Variants in IFT20 observed in about 807,000 individuals in gnomAD.
IFT20 encodes intraflagellar transport protein 20 homolog.
IFT20 carries 4 observed loss-of-function variants against 16.9 expected under a neutral mutation model. The ratio of observed to expected loss-of-function variants is 0.24; its 90% confidence interval spans 0.12 to 0.54. The LOEUF is 0.54. Among genes scored for constraint, IFT20 ranks in the 20% least tolerant of loss-of-function variants. The pLI is 0.95. For synonymous variants in IFT20, 48 were observed against 49.9 expected, an observed-to-expected ratio of 0.96 and a Z score of 0.16; for missense variants, 154 against 149.7, an observed-to-expected ratio of 1.03 and a Z score of -0.15.
intron 2 of IFT20, 53 bp downstream of exon 2, chr17:28,331,806 C>G: frequency 6.2e-7 from 1 of 1,609,690 alleles, no homozygotes; most frequent in Non-Finnish European, 8.5e-7. Flanking sequence ...GCCTGGGGTA[C>G]AGTTGAAATG....
rs1555576366 is a variant in IFT20, at chr17:28,330,450, T to G, written c.206A>C (p.Lys69Thr). The change falls in exon 3 of 5, where the codon AAG becomes ACG. Residue 69 changes from lysine (K) to threonine (T), a missense_variant. Transcript: ENST00000395418. ...DQLAKEAENE[K>T]MKAIGARNLL... is the part of the protein sequence containing the mutation. Reference sequence around the variant, plus strand: ...AAGACATGCTGATCTTACCTTCATCTTTTCATTTTCTGCTTCTTTTGCAAG... The same window carrying G: ...AAGACATGCTGATCTTACCTTCATCGTTTCATTTTCTGCTTCTTTTGCAAG... 1 of 1,612,604 alleles carries G rather than the reference T, an allele frequency of 6.2e-7. No homozygotes were observed. The highest frequency in any genetic ancestry group is 8.5e-7 in the Non-Finnish European group (1 of 1,178,574).
chr17:28,331,095 CAG>C (rs1906746212), intron 2 of IFT20, among the ~76,000 whole-genome samples: 1 of 152,214 alleles, frequency 6.6e-6, no homozygotes. Context: ...TTTCAATTAA[CAG>C]TGGGGATGGG....
chr17:28,328,958 C>G, intron 4 of IFT20: 1 of 616,512 alleles, frequency 1.6e-6, no homozygotes, highest in East Asian at 2.8e-5. Context: ...CCCTTTCATG[C>G]TCAAACTACT....
intron 4 of IFT20, 191 bp downstream of exon 4, chr17:28,328,980 GAT>G: frequency 1.6e-6 from 1 of 616,712 alleles, no homozygotes; most frequent in Non-Finnish European, 2.9e-6. Context: ...GAGGTGGTTT[GAT>G]ATTAACAAGT....
chr17:28,334,867 T>C (rs1462698463), intron 1 of IFT20, among the ~76,000 whole-genome samples: 4 of 152,144 alleles, frequency 2.6e-5, no homozygotes, highest in Non-Finnish European at 5.9e-5. Flanking sequence ...ATGACTCCCA[T>C]GAATCTGGCT....
chr17:28,328,782 A>G, intron 4 of IFT20, 49 bp from the exon 5 acceptor site: 1 of 1,075,490 alleles, frequency 9.3e-7, no homozygotes, highest in Non-Finnish European at 1.4e-6. Flanking sequence ...GAAGTAAACC[A>G]CAGACCTAAT....
intron 2 of IFT20, 60 bp downstream of exon 2, chr17:28,331,799 T>C (rs1906800873): frequency 6.2e-7 from 1 of 1,607,362 alleles, no homozygotes; most frequent in African/African-American, 1.3e-5. Context: ...AAGATGAGCC[T>C]GGGGTACAGT....
intron 1 of IFT20, among the ~76,000 whole-genome samples, chr17:28,332,902 A>T (rs1906882810): frequency 6.6e-6 from 1 of 152,186 alleles, no homozygotes; most frequent in Admixed American, 6.5e-5. Context: ...AGCTGGAGCC[A>T]GACCAGGAAG....
At chr17:28,332,585 C>T (rs1441476968) in intron 1 of IFT20, 3 of 158,948 alleles carry the variant, frequency 1.9e-5, no homozygotes, top group Non-Finnish European at 4.1e-5. Flanking sequence ...AATACATATA[C>T]TGGAACAACA....
chr17:28,329,305 T>G, intron 3 of IFT20, 29 bp from the exon 4 acceptor site: 1 of 1,570,824 alleles, frequency 6.4e-7, no homozygotes, highest in Non-Finnish European at 8.7e-7. Context: ...AGGCCATGGC[T>G]TCATTAAAAC....
chr17:28,333,455 CA>C (rs1264612986), intron 1 of IFT20, among the ~76,000 whole-genome samples: 1 of 152,164 alleles, frequency 6.6e-6, no homozygotes, highest in African/African-American at 2.4e-5. Flanking sequence ...GTATGTAATC[CA>C]AAAATTTTAA....
chr17:28,328,884 C>G (rs1906519019), intron 4 of IFT20, 151 bp from the exon 5 acceptor site: 1 of 664,252 alleles, frequency 1.5e-6, no homozygotes, highest in South Asian at 2.0e-5. Flanking sequence ...CTACCCAGAG[C>G]CACCCATGAG....
chr17:28,335,113 T>G (rs1401399443), intron 1 of IFT20, among the ~76,000 whole-genome samples: 1 of 152,166 alleles, frequency 6.6e-6, no homozygotes, highest in Non-Finnish European at 1.5e-5. Context: ...GACTCTTTAC[T>G]ATGTAAACTC....
intron 3 of IFT20, 73 bp downstream of exon 3, chr17:28,330,370 A>G (rs781863277): frequency 9.8e-7 from 1 of 1,016,746 alleles, no homozygotes; most frequent in Non-Finnish European, 1.6e-6. Context: ...ATAAATCAAG[A>G]GGGAAGAGGG....
At chr17:28,332,052 G>A (rs1906824042) in intron 1 of IFT20, 65 bp from the exon 2 acceptor site, 67 of 1,612,432 alleles carry the variant, frequency 4.2e-5, no homozygotes, top group Non-Finnish European at 5.4e-5. Context: ...CTGCTGCCAA[G>A]CCAGCCCCAC....
chr17:28,334,872 C>T (rs1907032882), intron 1 of IFT20, among the ~76,000 whole-genome samples: 1 of 152,188 alleles, frequency 6.6e-6, no homozygotes, highest in African/African-American at 2.4e-5. Context: ...TCCCATGAAT[C>T]TGGCTTGGCC....
Position 28,328,411 on chromosome 17 carries a change from G to A in IFT20, c.*241C>T, listed in dbSNP as rs782750781. Reference sequence around the variant, plus strand: ...AGGATGAAAGTTTACAAACTGCTTAGTTCCAACTAAGCATAAGAGGTGAGA... The same window carrying A: ...AGGATGAAAGTTTACAAACTGCTTAATTCCAACTAAGCATAAGAGGTGAGA... On this transcript the variant is annotated 3_prime_UTR_variant, in exon 5 of 5. Transcript: ENST00000395418. The A allele has an allele frequency of 7.0e-6, 3 of 431,464 alleles. No individual in the cohort carries two copies. The highest frequency in any genetic ancestry group is 2.1e-5 in the African/African-American group (1 of 48,394). 26.7% of individuals were successfully genotyped at this position (431,464 alleles called of 1,614,324 possible). A position where few individuals can be genotyped will look rare whatever the true frequency, so the allele number is the denominator to read the frequency against.
chr17:28,331,852 T>C lies in IFT20; in HGVS notation c.127+7A>G. On this transcript the variant is annotated splice_region_variant and intron_variant, in intron 2 of 4. Transcript: ENST00000395418. ...GCTGAGTGGCACTGTATCTCCCCAATACTCACTGTCCACAAAGTCTTTGCA... is the reference window on the plus strand; with the variant it reads ...GCTGAGTGGCACTGTATCTCCCCAACACTCACTGTCCACAAAGTCTTTGCA... 8 of 1,614,158 alleles carry C rather than the reference T, an allele frequency of 5.0e-6. No homozygotes were observed. Among genetic ancestry groups the C allele is most frequent in the Non-Finnish European group, 6.8e-6 (8 of 1,180,002 alleles).
At chr17:28,331,634 C>T in intron 2 of IFT20, 1 of 528,856 alleles carries the variant, frequency 1.9e-6, no homozygotes, top group Non-Finnish European at 3.4e-6. Context: ...TATCTAAAGA[C>T]ACCCTCCCCT....
Sources: allele counts gnomAD v4.1 joint callset (sites outside exome capture counted in the v4.1 genomes callset), GRCh38; gene constraint gnomAD v4.1.1; transcripts MANE v1.5; gene names NCBI Gene and HGNC (gene_info 2026-07-23, HGNC 2026-07-21).